LHFPL3: variants seen among roughly 807,000 people sequenced by gnomAD.
LHFPL3 encodes the protein LHFPL tetraspan subfamily member 3.
Under a neutral mutation model 19.3 loss-of-function variants are expected in LHFPL3, and 5 were observed. The observed-to-expected ratio is 0.26, with a 90% CI of 0.14 to 0.54. The LOEUF is 0.54. Ranked by LOEUF, LHFPL3 falls within the 20% of genes least tolerant of loss-of-function variation. The pLI is 0.94. For synonymous variants in LHFPL3, 133 were observed against 126.2 expected (o/e 1.05, Z -0.36); for missense variants, 249 against 307.4 (o/e 0.81, Z 1.42).
intron 1 of LHFPL3, among the ~76,000 whole-genome samples, chr7:104,395,093 G>A (rs901851004): frequency 6.6e-6 from 1 of 151,968 alleles, no homozygotes; most frequent in African/African-American, 2.4e-5. Flanking sequence ...CCAACATCTA[G>A]TATACGCTTC....
intron 1 of LHFPL3, among the ~76,000 whole-genome samples, chr7:104,534,097 C>A (rs1464860805): frequency 6.6e-6 from 1 of 152,182 alleles, no homozygotes; most frequent in East Asian, 1.9e-4. Flanking sequence ...CTTTTCCCTG[C>A]ATTATTCAAA....
intron 1 of LHFPL3, among the ~76,000 whole-genome samples, chr7:104,477,642 T>C (rs927504263): frequency 2.6e-5 from 4 of 151,974 alleles, no homozygotes; most frequent in African/African-American, 7.3e-5. Flanking sequence ...AAAATAACTA[T>C]TGGGTACTAG....
At chr7:104,733,155 A>G (rs199683566) in intron 1 of LHFPL3, among the ~76,000 whole-genome samples, 3 of 152,150 alleles carry the variant, frequency 2.0e-5, no homozygotes, top group East Asian at 3.8e-4. Flanking sequence ...TATGTGGTCA[A>G]TTTTGGAATA....
chr7:104,491,876 A>G (rs180927725), intron 1 of LHFPL3, among the ~76,000 whole-genome samples: 1 of 152,234 alleles, frequency 6.6e-6, no homozygotes, highest in Admixed American at 6.5e-5. Context: ...CACAAAATAC[A>G]AATTTTCCAA....
intron 1 of LHFPL3, among the ~76,000 whole-genome samples, chr7:104,389,226 A>G (rs537243017): frequency 8.5e-5 from 13 of 152,326 alleles, no homozygotes; most frequent in Non-Finnish European, 2.9e-5. Flanking sequence ...TCTGTACACT[A>G]GTAATGACCA....
chr7:104,492,673 C>T (rs1161419487), intron 1 of LHFPL3, among the ~76,000 whole-genome samples: 1 of 152,234 alleles, frequency 6.6e-6, no homozygotes, highest in African/African-American at 2.4e-5. Context: ...TCTGCTTTCA[C>T]ATTCATTTAT....
At position 104,329,064 on chromosome 7, in the gene LHFPL3, G is replaced by C; in HGVS notation, c.285G>C (p.Thr95=). The change falls in exon 1 of 3, where the codon ACG becomes ACC. Residue 95 remains threonine (T), a synonymous_variant. Transcript: ENST00000424859. ...AGCTGACCTGCAGGGGCAGCTTCAC[G>C]GACTTCTCCACGCTGCCCTCGGGCG... ...SRELTCRGSF[T]DFSTLPSGAF... is the part of the protein sequence containing the mutation. 1.9e-6 allele frequency: 3 copies of C among 1,614,052 alleles called. No homozygotes were observed. Among genetic ancestry groups the C allele is most frequent in the Non-Finnish European group, 2.5e-6 (3 of 1,179,908 alleles).
intron 1 of LHFPL3, among the ~76,000 whole-genome samples, chr7:104,572,870 G>C (rs2115994257): frequency 6.6e-6 from 1 of 152,272 alleles, no homozygotes; most frequent in South Asian, 2.1e-4. Flanking sequence ...TCAAGTTGAT[G>C]CTAATATGTC....
rs139396161 is a variant in LHFPL3, at chr7:104,459,400, T to G, written c.445+130176T>G. On this transcript the variant is annotated intron_variant, in intron 1 of 2. Coordinates refer to ENST00000424859, the MANE Select transcript of LHFPL3 (RefSeq NM_199000.3). ...AAATTGTAACCTTGGGCATTGGACT[T>G]GATTCTGAATCTTCTTCAGAGGAGT... is the stretch of plus-strand genomic sequence containing the variant. Among the ~76,000 whole-genome samples, 39 of 152,216 alleles carry G rather than the reference T, an allele frequency of 2.6e-4. 1 individual carries two copies. The highest frequency in any genetic ancestry group is 2.6e-3 in the Admixed American group (39 of 15,278).
intron 1 of LHFPL3, among the ~76,000 whole-genome samples, chr7:104,388,107 G>A (rs890717321): frequency 2.0e-5 from 3 of 152,038 alleles, no homozygotes; most frequent in African/African-American, 7.2e-5. Flanking sequence ...TTGCTTCAAA[G>A]GACATGATCT....
At chr7:104,783,466 T>G (rs1470633218) in intron 2 of LHFPL3, among the ~76,000 whole-genome samples, 2 of 152,218 alleles carry the variant, frequency 1.3e-5, no homozygotes, top group Non-Finnish European at 2.9e-5. Context: ...ATAAGAAATT[T>G]TGAAGCCAAG....
At chr7:104,397,361 T>A (rs1256673539) in intron 1 of LHFPL3, among the ~76,000 whole-genome samples, 1 of 152,196 alleles carries the variant, frequency 6.6e-6, no homozygotes, top group Non-Finnish European at 1.5e-5. Flanking sequence ...CTTCCCCATT[T>A]ATTTCATTAT....
intron 1 of LHFPL3, among the ~76,000 whole-genome samples, chr7:104,521,391 G>A (rs1370876964): frequency 6.6e-6 from 1 of 152,086 alleles, no homozygotes. Context: ...TTTTGAATAG[G>A]TGTGGTGTGG....
chr7:104,571,554 T>C (rs1483139718), intron 1 of LHFPL3, among the ~76,000 whole-genome samples: 2 of 152,198 alleles, frequency 1.3e-5, no homozygotes, highest in Non-Finnish European at 2.9e-5. Context: ...GACACAATAC[T>C]GAAAAGCAGC....
chr7:104,643,725 A>C (rs1188811175), intron 1 of LHFPL3, among the ~76,000 whole-genome samples: 1 of 152,230 alleles, frequency 6.6e-6, no homozygotes, highest in African/African-American at 2.4e-5. Flanking sequence ...TCTAGTGGGC[A>C]ACCAAAGCTG....
intron 2 of LHFPL3, among the ~76,000 whole-genome samples, chr7:104,824,628 A>C (rs1790777933): frequency 1.2e-5 from 1 of 81,070 alleles, no homozygotes; most frequent in South Asian, 3.2e-4. Flanking sequence ...ATTATTTTAT[A>C]TATATTATTT....
chr7:104,776,865 A>T (rs573697768), intron 2 of LHFPL3, among the ~76,000 whole-genome samples: 1 of 152,332 alleles, frequency 6.6e-6, no homozygotes, highest in South Asian at 2.1e-4. Context: ...TTTACAACAG[A>T]GGAGCAAACA....
rs537893344 is a variant in LHFPL3 at position 104,859,002 on chromosome 7, C to T, written c.683-47185C>T. ...TGTTGACAGGGCACAGTGGCTCACA[C>T]CTGTAATCCTAGCACTTTGGGAGGC... is the stretch of plus-strand genomic sequence containing the variant. On this transcript the variant is annotated intron_variant, in intron 2 of 2. Coordinates refer to ENST00000424859, the MANE Select transcript of LHFPL3 (RefSeq NM_199000.3). Among the ~76,000 whole-genome samples, 111 of 152,198 alleles carry T rather than the reference C, an allele frequency of 7.3e-4. 2 individuals carry two copies. The Middle Eastern group carries it at 0.014, about 19-fold the overall frequency.
intron 2 of LHFPL3, among the ~76,000 whole-genome samples, chr7:104,874,834 T>A (rs1791906519): frequency 1.3e-5 from 2 of 151,874 alleles, no homozygotes; most frequent in African/African-American, 4.8e-5. Context: ...AACTCAGCAG[T>A]TTGATGGTTT....
Sources: allele counts gnomAD v4.1 joint callset (sites outside exome capture counted in the v4.1 genomes callset), GRCh38; gene constraint gnomAD v4.1.1; transcripts MANE v1.5; gene names NCBI Gene and HGNC (gene_info 2026-07-23, HGNC 2026-07-21).